Variants in ATR observed in about 807,000 individuals in gnomAD.
ATR encodes serine/threonine-protein kinase ATR.
A neutral mutation model predicts 305.3 loss-of-function variants in ATR; 142 were observed. The observed-to-expected ratio is 0.47, with a 90% CI of 0.41 to 0.53. ATR has a LOEUF of 0.53. ATR is among the 20% of genes least tolerant of loss of function. The pLI is 0.00. For synonymous variants in ATR, 1,050 were observed against 1,068.1 expected (o/e 0.98, Z 0.33); for missense variants, 2,135 against 3,133.1 (o/e 0.68, Z 7.60).
chr3:142,524,916 C>A (rs1202736228), intron 21 of ATR, among the ~76,000 whole-genome samples: 2 of 152,166 alleles, frequency 1.3e-5, no homozygotes, highest in African/African-American at 4.8e-5. Context: ...TTTAAAGCTA[C>A]TTCATTTATA....
Position 142,465,166 on chromosome 3 carries a change from C to A in ATR, c.6972G>T (p.Met2324Ile), listed in dbSNP as rs751402056. ...LKGSDGKFYI[M>I]MCKPKDDLRK... ...TCAGGTCATCTTTTGGCTTACACAT[C>A]ATGATGTAGAACTTTCCATCTGAGC... Residue 2324 changes from methionine (M) to isoleucine (I), a missense_variant, in exon 41 of 47, where the codon ATG (methionine) becomes ATT (isoleucine). Met to Ile is a conservative substitution (Grantham distance 10, BLOSUM62 1). Around this residue, in one of 9 missense-constraint regions of ATR, gnomAD observed 462 missense variants for 887.6 expected, o/e 0.52. Coordinates refer to ENST00000350721, the MANE Select transcript of ATR (RefSeq NM_001184.4). 8 of 1,608,600 alleles carry A rather than the reference C, an allele frequency of 5.0e-6. No individual in the cohort carries two copies. In the South Asian group the frequency reaches 8.8e-5, roughly 18 times the overall value.
chr3:142,457,849 GC>G, intron 44 of ATR, 94 bp from the exon 45 acceptor site: 2 of 1,358,534 alleles, frequency 1.5e-6, no homozygotes, highest in Non-Finnish European at 2.0e-6. Context: ...TTAGCAAAAA[GC>G]AAAAATACCC....
chr3:142,469,489 CTAAA>C lies in ATR; in HGVS notation c.6396_6399del (p.Tyr2132Ter), dbSNP rs1330244689. The C allele has an allele frequency of 6.2e-7, 1 of 1,613,748 alleles. No homozygotes were observed. Among genetic ancestry groups the C allele is most frequent in the Admixed American group, 1.7e-5 (1 of 59,972 alleles). On this transcript the variant is annotated frameshift_variant, in exon 38 of 47. Transcript: ENST00000350721. LOFTEE classifies it high-confidence loss of function. ...AAAGCAGTCAAAAATTGATATGGAG[CTAAA>C]TAGTTTGTATGCTCTGTGATAACCT...
chr3:142,512,075 G>A (rs1028678119), intron 27 of ATR, among the ~76,000 whole-genome samples, 185 bp downstream of exon 27: 15 of 151,948 alleles, frequency 9.9e-5, no homozygotes, highest in South Asian at 2.1e-4. Context: ...CCGAGGTCAC[G>A]CCACTGCACT....
At chr3:142,453,480 T>G (rs1186398271) in intron 45 of ATR, among the ~76,000 whole-genome samples, 2 of 152,206 alleles carry the variant, frequency 1.3e-5, no homozygotes, top group Admixed American at 1.3e-4. Flanking sequence ...AGATGGGTTC[T>G]ATGTGCCATC....
intron 4 of ATR, 54 bp from the exon 5 acceptor site, chr3:142,561,475 T>G (rs2108485580): frequency 1.3e-6 from 2 of 1,512,334 alleles, no homozygotes; most frequent in South Asian, 1.2e-5. Context: ...TATATTTATA[T>G]TATTCATAGG....
intron 30 of ATR, among the ~76,000 whole-genome samples, chr3:142,502,754 G>T (rs2032038854): frequency 6.6e-6 from 1 of 152,146 alleles, no homozygotes; most frequent in South Asian, 2.1e-4. Context: ...TTTAGAGTCT[G>T]GTGAATAAAT....
intron 41 of ATR, among the ~76,000 whole-genome samples, chr3:142,463,600 T>C (rs2071065442): frequency 6.6e-6 from 1 of 152,138 alleles, no homozygotes; most frequent in African/African-American, 2.4e-5. Context: ...TTTTGCCATG[T>C]TGGCCAGGCT....
chr3:142,458,992 CATTCACCAGTCAAAGA>C lies in ATR; in HGVS notation c.7453_7468del (p.Ser2485AlafsTer4), dbSNP rs1419350018. 1 of 1,613,726 alleles carries C rather than the reference CATTCACCAGTCAAAGA, an allele frequency of 6.2e-7. No individual in the cohort carries two copies. Among genetic ancestry groups the C allele is most frequent in the Non-Finnish European group, 8.5e-7 (1 of 1,179,776 alleles). On this transcript the variant is annotated frameshift_variant, in exon 44 of 47. Coordinates refer to ENST00000350721, the MANE Select transcript of ATR (RefSeq NM_001184.4). LOFTEE classifies it high-confidence loss of function. ...AAGACAATTGAAATCTACATGTACG[CATTCACCAGTCAAAGA>C]ATCAAAGAGAATATTTTCACCATGA...
At chr3:142,456,685 C>T (rs62276422) in intron 45 of ATR, among the ~76,000 whole-genome samples, 9,502 of 152,258 alleles carry the variant, frequency 0.062, 446 homozygotes, top group Middle Eastern at 0.17. Context: ...AAAAGATGCT[C>T]ACCATCACTG....
chr3:142,548,794 TATTACTATC>T (rs1219851246), intron 15 of ATR, among the ~76,000 whole-genome samples: 21 of 152,220 alleles, frequency 1.4e-4, no homozygotes, highest in Non-Finnish European at 2.8e-4. Flanking sequence ...CATAAATACT[TATTACTATC>T]ATTCTATCTC....
chr3:142,460,686 C>A (rs2071006735), intron 42 of ATR, among the ~76,000 whole-genome samples: 1 of 152,074 alleles, frequency 6.6e-6, no homozygotes, highest in Non-Finnish European at 1.5e-5. Context: ...TGGCAAATAC[C>A]ATACAAATTA....
intron 1 of ATR, among the ~76,000 whole-genome samples, chr3:142,569,989 G>A (rs923677342): frequency 6.6e-6 from 1 of 152,140 alleles, no homozygotes; most frequent in Non-Finnish European, 1.5e-5. Flanking sequence ...GTGTGAAACA[G>A]TATCCTGTGG....
At position 142,558,718 on chromosome 3, in the gene ATR, T is replaced by A. The variant is rs535766576; in HGVS notation, c.1791A>T (p.Pro597=). The change falls in exon 8 of 47, where the codon CCA becomes CCT. Residue 597 remains proline (P), a synonymous_variant. Coordinates refer to ENST00000350721, the MANE Select transcript of ATR (RefSeq NM_001184.4). ...CATCATCAGAATGGGAATAAATCCA[T>A]GGAAGTGAGAGCATACCACATAAAT... ...LEDLCGMLSL[P]WIYSHSDDGC... is the part of the protein sequence containing the mutation. 6.2e-7 allele frequency: 1 copy of A among 1,612,504 alleles called. No individual in the cohort carries two copies. Among genetic ancestry groups the A allele is most frequent in the African/African-American group, 1.3e-5 (1 of 74,870 alleles).
intron 1 of ATR, among the ~76,000 whole-genome samples, chr3:142,573,179 C>T (rs1195108180): frequency 3.3e-5 from 5 of 151,718 alleles, no homozygotes; most frequent in Non-Finnish European, 7.4e-5. Flanking sequence ...GGCGTGGTGG[C>T]TCATGCCTGT....
Position 142,553,104 on chromosome 3 carries a change from T to C in ATR, c.2805+123A>G, listed in dbSNP as rs577968330. 1.2e-5 allele frequency: 16 copies of C among 1,297,510 alleles called. No individual in the cohort carries two copies. The African/African-American group carries it at 1.6e-4, about 13-fold the overall frequency. The allele number at this position is 1,297,510 out of a possible 1,614,324, so 80.4% of individuals were successfully genotyped here. On this transcript the variant is annotated intron_variant, in intron 13 of 46. Coordinates refer to ENST00000350721, the MANE Select transcript of ATR (RefSeq NM_001184.4). ...ACATGCTGCAATATACCCCTGAACT[T>C]AAAATATAAATTGAAGAAAAAAGAA... is the stretch of plus-strand genomic sequence containing the variant.
chr3:142,459,963 G>A (rs1577498147), intron 42 of ATR, among the ~76,000 whole-genome samples: 1 of 151,766 alleles, frequency 6.6e-6, no homozygotes, highest in Non-Finnish European at 1.5e-5. Flanking sequence ...CAATATATAT[G>A]TATATATACA....
Position 142,538,595 on chromosome 3 carries a change from A to G in ATR, c.3612T>C (p.Asp1204=), listed in dbSNP as rs2033941965. 6.2e-7 allele frequency: 1 copy of G among 1,613,582 alleles called. No individual in the cohort carries two copies. Among genetic ancestry groups the G allele is most frequent in the Non-Finnish European group, 8.5e-7 (1 of 1,179,630 alleles). Residue 1204 remains aspartate (D), a synonymous_variant, in exon 19 of 47, where the codon GAT becomes GAC. Coordinates refer to ENST00000350721, the MANE Select transcript of ATR (RefSeq NM_001184.4). ...TGAGAAGGGAGCCCAGACAAGCATG[A>G]TCCAGGCAGCGAACAAAGCAGTCCC... The part of the protein sequence containing the change: ...RAWDCFVRCL[D]HACLGSLLSH...
rs1553752204 is a variant in ATR, at chr3:142,465,259, T to C, written c.6898-19A>G. The C allele has an allele frequency of 1.9e-6, 3 of 1,604,742 alleles. No individual in the cohort carries two copies. The East Asian group carries it at 6.7e-5, about 36-fold the overall frequency. On this transcript the variant is annotated intron_variant, in intron 40 of 46. Coordinates refer to ENST00000350721, the MANE Select transcript of ATR (RefSeq NM_001184.4). ...TTTCCACCTAAAAGATGATGAGTTA[T>C]ATATGAATTAGGGCCAAAAATTTCT...
Sources: allele counts gnomAD v4.1 joint callset (sites outside exome capture counted in the v4.1 genomes callset), GRCh38; gene constraint gnomAD v4.1.1; regional missense constraint gnomAD v4.1.1; transcripts MANE v1.5; gene names NCBI Gene and HGNC (gene_info 2026-07-23, HGNC 2026-07-21).